DENND2A: variants seen among roughly 807,000 people sequenced by gnomAD.
DENND2A encodes the protein DENN domain containing 2A.
In DENND2A, 53 loss-of-function variants were observed where a neutral mutation model predicts 105.3. The observed-to-expected ratio is 0.50, with a 90% CI of 0.40 to 0.63. DENND2A has a LOEUF of 0.63. DENND2A is among the 30% of genes least tolerant of loss of function. The probability of loss-of-function intolerance (pLI) is 0.00; values close to 1 mark genes in which losing one functional copy is unlikely to be tolerated. For missense variants in DENND2A, 1,138 were observed against 1,279.6 expected (o/e 0.89, Z 1.69); for synonymous variants, 522 against 508.4 (o/e 1.03, Z -0.36).
intron 1 of DENND2A, among the ~76,000 whole-genome samples, chr7:140,632,020 C>G (rs1800751543): frequency 6.6e-6 from 1 of 152,120 alleles, no homozygotes; most frequent in Non-Finnish European, 1.5e-5. Flanking sequence ...TATAGCTTCT[C>G]CCCCAACCAA....
At chr7:140,591,669 TTC>T (rs1478963135) in intron 3 of DENND2A, among the ~76,000 whole-genome samples, 32 of 128,326 alleles carry the variant, frequency 2.5e-4, no homozygotes, top group East Asian at 8.7e-4. Flanking sequence ...CTTTCTTTCT[TTC>T]TCTTTCTTTC....
rs564696363 is a variant in DENND2A, at chr7:140,637,562, G to T, written c.-248+2942C>A. Among the ~76,000 whole-genome samples, 36 of 152,294 alleles carry T rather than the reference G, an allele frequency of 2.4e-4. No homozygotes were observed. In the South Asian group the frequency reaches 7.1e-3, roughly 30 times the overall value. On this transcript the variant is annotated intron_variant, in intron 1 of 19. Coordinates refer to ENST00000496613, the MANE Select transcript of DENND2A (RefSeq NM_015689.5). The stretch of plus-strand genomic sequence containing the variant: ...TGGGCCTCTCTGGTCTCCTGAAGAG[G>T]ATCTCTGGTCTGCTGAGTCCCACCC...
intron 3 of DENND2A, among the ~76,000 whole-genome samples, chr7:140,600,292 C>T (rs564958692): frequency 6.6e-6 from 1 of 151,770 alleles, no homozygotes; most frequent in Non-Finnish European, 1.5e-5. Flanking sequence ...CTGAATGCCT[C>T]AATTTGGGAA....
chr7:140,565,294 C>T (rs1797794913), intron 9 of DENND2A, among the ~76,000 whole-genome samples: 1 of 151,752 alleles, frequency 6.6e-6, no homozygotes, highest in Non-Finnish European at 1.5e-5. Context: ...TGTCCAGAGA[C>T]CATCAGATTC....
rs1247919688 is a variant in DENND2A, at chr7:140,519,717, A to G, written c.2913T>C (p.Gly971=). Reference sequence around the variant, plus strand: ...ACTCTTGGGCTCGGACCTCAAACAGACCTGTTAACAAGAGAAATCCCAGCC... The same window carrying G: ...ACTCTTGGGCTCGGACCTCAAACAGGCCTGTTAACAAGAGAAATCCCAGCC... ...ERELRRQDAK[G]LFEVRAQEYL... Residue 971 remains glycine, a splice_region_variant and synonymous_variant, in exon 19 of 20, where the codon GGT becomes GGC. Coordinates refer to ENST00000496613, the MANE Select transcript of DENND2A (RefSeq NM_015689.5). 1 of 1,613,756 alleles carries G rather than the reference A, an allele frequency of 6.2e-7. No homozygotes were observed. Among genetic ancestry groups the G allele is most frequent in the Admixed American group, 1.7e-5 (1 of 59,976 alleles).
chr7:140,520,253 C>T (rs997892231), intron 18 of DENND2A, among the ~76,000 whole-genome samples: 1 of 151,820 alleles, frequency 6.6e-6, no homozygotes, highest in African/African-American at 2.4e-5. Flanking sequence ...TTGCAGTGAG[C>T]CAAGGTCACG....
intron 11 of DENND2A, among the ~76,000 whole-genome samples, chr7:140,557,090 T>C (rs1371196725): frequency 6.6e-6 from 1 of 152,138 alleles, no homozygotes; most frequent in Non-Finnish European, 1.5e-5. Context: ...AGGTCTTTTA[T>C]TTGGCAGGAA....
Position 140,555,705 on chromosome 7 carries a change from G to T in DENND2A, c.1968C>A (p.Gly656=), listed in dbSNP as rs2130557740. Residue 656 remains glycine, a synonymous_variant, in exon 12 of 20, where the codon GGC becomes GGA. Transcript: ENST00000496613. The part of the protein sequence containing the change: ...FGYCRRLLPG[G]KGKRLPEVYC... ...AAACTTCAGGAAGGCGCTTCCCTTT[G>T]CCTCCAGGCTTTTCGGAGAGAAACA... is the stretch of plus-strand genomic sequence containing the variant. 6.2e-7 allele frequency: 1 copy of T among 1,600,948 alleles called. No homozygotes were observed. The highest frequency in any genetic ancestry group is 1.1e-5 in the South Asian group (1 of 88,886).
At position 140,634,645 on chromosome 7, in the gene DENND2A, C is replaced by A. The variant is rs147362346; in HGVS notation, c.-248+5859G>T. Reference sequence around the variant, plus strand: ...CAGCACTTTGGGAGGCCAAGGCCAGCGGATCACTTGAGGTCAGGAGTTCCA... The same window carrying A: ...CAGCACTTTGGGAGGCCAAGGCCAGAGGATCACTTGAGGTCAGGAGTTCCA... On this transcript the variant is annotated intron_variant, in intron 1 of 19. Transcript: ENST00000496613. 8.3e-4 allele frequency among the ~76,000 whole-genome samples: 125 copies of A among 151,264 alleles called. 2 individuals carry two copies. In the East Asian group the frequency reaches 0.022, roughly 27 times the overall value.
chr7:140,523,460 C>CGGTGG lies in DENND2A; in HGVS notation c.2548-41_2548-37dup. ...GAGGTAGCAGGTGGGCTTATGGGCA[C>CGGTGG]GGTGGCTGCGTCTTGGCCATAGGAC... On this transcript the variant is annotated intron_variant, in intron 16 of 19. Transcript: ENST00000496613. The surrounding 1 kb of genome is among the most constrained non-coding windows in gnomAD (Gnocchi z 4.5). 6.3e-6 allele frequency: 10 copies of CGGTGG among 1,589,622 alleles called. No individual in the cohort carries two copies. The highest frequency in any genetic ancestry group is 7.8e-6 in the Non-Finnish European group (9 of 1,158,884).
chr7:140,633,686 A>G (rs1480735795), intron 1 of DENND2A, among the ~76,000 whole-genome samples: 3 of 152,170 alleles, frequency 2.0e-5, no homozygotes, highest in Non-Finnish European at 2.9e-5. Flanking sequence ...TTCAGCCTAC[A>G]CAACATGTGG....
chr7:140,585,850 C>T, intron 4 of DENND2A, 140 bp from the exon 5 acceptor site: 2 of 1,205,670 alleles, frequency 1.7e-6, no homozygotes, highest in South Asian at 2.9e-5. Context: ...TGCGCCCCTC[C>T]TGTTGGCAGC....
chr7:140,621,598 A>T (rs1316808157), intron 1 of DENND2A, among the ~76,000 whole-genome samples: 2 of 152,160 alleles, frequency 1.3e-5, no homozygotes, highest in Non-Finnish European at 2.9e-5. Flanking sequence ...TCACAGATAC[A>T]AAGGGCCTGT....
intron 1 of DENND2A, among the ~76,000 whole-genome samples, chr7:140,637,310 T>C (rs570985839): frequency 6.6e-6 from 1 of 152,324 alleles, no homozygotes; most frequent in African/African-American, 2.4e-5. Context: ...CTACTGAATG[T>C]CAATTTACGA....
rs904608618 is a variant in DENND2A, at chr7:140,559,292, C to T, written c.1889+416G>A. Among the ~76,000 whole-genome samples the T allele has an allele frequency of 5.3e-5, 8 of 152,068 alleles. No homozygotes were observed. The highest frequency in any genetic ancestry group is 1.9e-4 in the African/African-American group (8 of 41,424). ...AGGACCCGCAGCCTACTGAGTTTGG[C>T]CAAATGCGGAAACATCTGATAATAA... On this transcript the variant is annotated intron_variant, in intron 10 of 19. Transcript: ENST00000496613. The surrounding 1 kb of genome is among the most constrained non-coding windows in gnomAD (Gnocchi z 4.1).
intron 1 of DENND2A, among the ~76,000 whole-genome samples, chr7:140,613,508 C>G (rs949439336): frequency 1.4e-5 from 2 of 147,134 alleles, no homozygotes; most frequent in Non-Finnish European, 3.0e-5. Context: ...CCCTTGCACT[C>G]AAGCCTGGGT....
chr7:140,615,425 G>A (rs1800047135), intron 1 of DENND2A, among the ~76,000 whole-genome samples: 1 of 152,078 alleles, frequency 6.6e-6, no homozygotes, highest in African/African-American at 2.4e-5. Context: ...CTGCACAAAA[G>A]CACCGCACAT....
In DENND2A at chr7:140,585,322, T is replaced by C. The variant is rs989209383; in HGVS notation, c.1245+267A>G. Among the ~76,000 whole-genome samples, 7 of 152,368 alleles carry C rather than the reference T, an allele frequency of 4.6e-5. No homozygotes were observed. The South Asian group carries it at 1.4e-3, about 32-fold the overall frequency. ...TGTTAAGACATTCTTAACAGTTGTA[T>C]GGGACGGATGTACCATCTTTTATTT... On this transcript the variant is annotated intron_variant, in intron 5 of 19. Transcript: ENST00000496613.
intron 9 of DENND2A, among the ~76,000 whole-genome samples, chr7:140,566,283 C>T (rs10952751): frequency 0.29 from 43,976 of 152,094 alleles, 6,506 homozygotes; most frequent in Middle Eastern, 0.35. Context: ...CCGCCCACTT[C>T]GGCCTCCCAA....
Sources: gnomAD v4.1 joint callset for allele counts (sites outside exome capture counted in the v4.1 genomes callset) on GRCh38, gnomAD v4.1.1 for gene constraint, Gnocchi (gnomAD v3.1) non-coding constraint, MANE v1.5 for transcripts, NCBI Gene and HGNC (gene_info 2026-07-23, HGNC 2026-07-21) for gene names.